Variants in PLEKHA5 observed in about 807,000 individuals in gnomAD.
The protein encoded by PLEKHA5 is pleckstrin homology domain-containing family A member 5.
PLEKHA5 carries 55 observed loss-of-function variants against 181.9 expected under a neutral mutation model. The ratio of observed to expected loss-of-function variants is 0.30; its 90% CI spans 0.24 to 0.38. The LOEUF is 0.38. PLEKHA5 is among the 10% of genes least tolerant of loss of function. The pLI, the probability that PLEKHA5 is intolerant of heterozygous loss-of-function variation, is 1.00. For synonymous variants in PLEKHA5, 535 were observed against 529.4 expected, an observed-to-expected ratio of 1.01 and a Z score of -0.15; for missense variants, 1,432 against 1,549.5, an observed-to-expected ratio of 0.92 and a Z score of 1.27.
At position 19,145,724 on chromosome 12, in the gene PLEKHA5, T is replaced by C. The variant is rs76638741; in HGVS notation, c.227+13274T>C. ...GCTAGAAGTATGATAGTGAACCAATTTAAACAGAATCTTTGTGGTCACATG... is the reference window on the plus strand; with the variant it reads ...GCTAGAAGTATGATAGTGAACCAATCTAAACAGAATCTTTGTGGTCACATG... On this transcript the variant is annotated intron_variant, in intron 3 of 31. Coordinates refer to ENST00000429027, the MANE Select transcript of PLEKHA5 (RefSeq NM_001256470.2). Among the ~76,000 whole-genome samples the C allele has an allele frequency of 9.2e-3, 1,399 of 152,146 alleles. 27 individuals are homozygous for C. Among genetic ancestry groups the C allele is most frequent in the African/African-American group, 0.032 (1,321 of 41,512 alleles).
At chr12:19,336,336 T>C (rs1462244782) in intron 20 of PLEKHA5, among the ~76,000 whole-genome samples, 179 bp from the exon 21 acceptor site, 1 of 152,220 alleles carries the variant, frequency 6.6e-6, no homozygotes, top group Non-Finnish European at 1.5e-5. Flanking sequence ...AATACTTAGG[T>C]TGCTTAGTAA....
At chr12:19,294,559 A>G (rs555944600) in intron 15 of PLEKHA5, among the ~76,000 whole-genome samples, 62 of 152,302 alleles carry the variant, frequency 4.1e-4, no homozygotes, top group African/African-American at 1.4e-3. Flanking sequence ...CTAATAAATC[A>G]TCAGAATAAC....
chr12:19,283,704 G>T lies in PLEKHA5; in HGVS notation c.1738G>T (p.Asp580Tyr), dbSNP rs539492327. The part of the protein sequence containing the change: ...SEVSSPIQRG[D>Y]VTIDRRHRAH... ...AGTGTCTTCACCAATTCAGAGAGGA[G>T]ATGTGACAATAGACCGCAGACACAG... Residue 580 changes from aspartate to tyrosine, a missense_variant, in exon 12 of 32, where the codon GAT (aspartate) becomes TAT (tyrosine). Physicochemically the swap from Asp to Tyr is radical, Grantham distance 160. Around this residue, in one of 2 missense-constraint regions of PLEKHA5, gnomAD observed 1,143 missense variants for 1,168.4 expected, o/e 0.98. Transcript: ENST00000429027. 1.2e-6 allele frequency: 2 copies of T among 1,614,006 alleles called. No homozygotes were observed. The highest frequency in any genetic ancestry group is 1.1e-5 in the South Asian group (1 of 91,076).
In PLEKHA5 at chr12:19,274,377, G is replaced by C; in HGVS notation, c.846-139G>C. On this transcript the variant is annotated intron_variant, in intron 10 of 31. Transcript: ENST00000429027. ...GTTAATATCACAGCATTGGGTATTT[G>C]TGTAGACTTGTCCACTGTGACCCTT... is the stretch of plus-strand genomic sequence containing the variant. The C allele has an allele frequency of 4.9e-6, 3 of 616,972 alleles. No individual in the cohort carries two copies. In the South Asian group the frequency reaches 6.1e-5, roughly 13 times the overall value. 38.2% of individuals were successfully genotyped at this position (616,972 alleles called of 1,614,324 possible). A position where few individuals can be genotyped will look rare whatever the true frequency, so the allele number is the denominator to read the frequency against.
chr12:19,134,199 G>A (rs541939572), intron 3 of PLEKHA5, among the ~76,000 whole-genome samples: 1 of 152,002 alleles, frequency 6.6e-6, no homozygotes, highest in East Asian at 1.9e-4. Flanking sequence ...TTTGTTTTAC[G>A]AGCCATTTTG....
chr12:19,275,582 AGCAAG>A (rs1197436396), intron 11 of PLEKHA5, among the ~76,000 whole-genome samples: 2 of 152,028 alleles, frequency 1.3e-5, no homozygotes, highest in African/African-American at 2.4e-5. Context: ...TGGGCAACCT[AGCAAG>A]ACCCTATCTC....
chr12:19,369,871 A>G, intron 31 of PLEKHA5, 73 bp downstream of exon 31: 1 of 857,900 alleles, frequency 1.2e-6, no homozygotes, highest in Non-Finnish European at 1.9e-6. Context: ...TGGTTTAGTG[A>G]ATCAAAACTG....
intron 3 of PLEKHA5, among the ~76,000 whole-genome samples, chr12:19,133,467 C>G (rs1354095966): frequency 6.6e-6 from 1 of 151,786 alleles, no homozygotes; most frequent in Non-Finnish European, 1.5e-5. Context: ...GCTGAAATGC[C>G]AAACTGGGTT....
Position 19,344,827 on chromosome 12 carries a change from G to A in PLEKHA5, c.2663-1015G>A, listed in dbSNP as rs575846837. ...GACTTCATTTAAAATATGTGAAATC[G>A]GCCAGGCGTGGTTGCTCACGCCTGT... On this transcript the variant is annotated intron_variant, in intron 22 of 31. Transcript: ENST00000429027. 4.5e-4 allele frequency among the ~76,000 whole-genome samples: 68 copies of A among 152,108 alleles called. No individual in the cohort carries two copies. The South Asian group carries it at 6.2e-3, about 14-fold the overall frequency.
chr12:19,158,412 A>G (rs1271852502), intron 3 of PLEKHA5, among the ~76,000 whole-genome samples: 1 of 152,214 alleles, frequency 6.6e-6, no homozygotes, highest in Admixed American at 6.5e-5. Flanking sequence ...CCTACAATCA[A>G]GCGTCCTGTG....
intron 3 of PLEKHA5, among the ~76,000 whole-genome samples, chr12:19,231,059 G>GT (rs917655916): frequency 2.6e-5 from 4 of 152,052 alleles, no homozygotes; most frequent in South Asian, 2.1e-4. Context: ...CTGTACTGTG[G>GT]TTTTTTTTAA....
At chr12:19,314,710 A>G (rs1388158170) in intron 15 of PLEKHA5, 104 bp from the exon 16 acceptor site, 2 of 709,078 alleles carry the variant, frequency 2.8e-6, no homozygotes, top group Non-Finnish European at 5.2e-6. Context: ...CAACTGCACT[A>G]TTAGGAAGAT....
chr12:19,189,519 G>A (rs1050629758), intron 3 of PLEKHA5, among the ~76,000 whole-genome samples: 1 of 152,004 alleles, frequency 6.6e-6, no homozygotes, highest in African/African-American at 2.4e-5. Flanking sequence ...TTGTTCTTTT[G>A]GGGGAAAGGG....
intron 15 of PLEKHA5, among the ~76,000 whole-genome samples, chr12:19,298,786 A>G (rs149197252): frequency 6.6e-6 from 1 of 152,228 alleles, no homozygotes; most frequent in Non-Finnish European, 1.5e-5. Context: ...TCATGTCACA[A>G]GCATTTATTG....
chr12:19,345,645 G>T (rs1019078248), intron 22 of PLEKHA5, among the ~76,000 whole-genome samples, 197 bp from the exon 23 acceptor site: 1 of 151,604 alleles, frequency 6.6e-6, no homozygotes, highest in African/African-American at 2.4e-5. Context: ...CACGCCTGTA[G>T]TCCCAGCTAC....
intron 3 of PLEKHA5, among the ~76,000 whole-genome samples, chr12:19,213,164 A>T (rs57939175): frequency 6.6e-6 from 1 of 152,126 alleles, no homozygotes; most frequent in African/African-American, 2.4e-5. Flanking sequence ...AGAGAGAAGT[A>T]TGTGTATTGT....
rs562304459 is a variant in PLEKHA5 at position 19,359,541 on chromosome 12, A to C, written c.3478A>C (p.Lys1160Gln). ...ETEPQNVDFS[K>Q]ELKKTENISY... Reference sequence around the variant, plus strand: ...CGAACCCCAAAATGTGGACTTCAGCAAAGAGGTAGCGAGATTATTTTATGA... The same window carrying C: ...CGAACCCCAAAATGTGGACTTCAGCCAAGAGGTAGCGAGATTATTTTATGA... Residue 1160 changes from lysine to glutamine, a missense_variant, in exon 28 of 32, where the codon AAA becomes CAA. Lys to Gln is a moderately conservative substitution (Grantham distance 53). Transcript: ENST00000429027. 6.2e-7 allele frequency: 1 copy of C among 1,613,856 alleles called. No homozygotes were observed. Among genetic ancestry groups the C allele is most frequent in the African/African-American group, 1.3e-5 (1 of 75,056 alleles).
At chr12:19,157,872 C>A (rs2042115938) in intron 3 of PLEKHA5, among the ~76,000 whole-genome samples, 1 of 152,016 alleles carries the variant, frequency 6.6e-6, no homozygotes, top group Non-Finnish European at 1.5e-5. Flanking sequence ...TAAAAATTCA[C>A]CAGATTGAAA....
intron 29 of PLEKHA5, among the ~76,000 whole-genome samples, chr12:19,365,227 C>A (rs1271252898): frequency 2.0e-5 from 3 of 151,816 alleles, no homozygotes; most frequent in Non-Finnish European, 4.4e-5. Context: ...AAAAGCCGGA[C>A]GTGGTGGCAG....
Sources: allele counts gnomAD v4.1 joint callset (sites outside exome capture counted in the v4.1 genomes callset), GRCh38; gene constraint gnomAD v4.1.1; regional missense constraint gnomAD v4.1.1; transcripts MANE v1.5; gene names NCBI Gene and HGNC (gene_info 2026-07-23, HGNC 2026-07-21).